The following APBA1 variants were observed in gnomAD, a reference collection of about 807,000 sequenced individuals.
The protein encoded by APBA1 is amyloid-beta A4 precursor protein-binding family A member 1.
APBA1 carries 55 observed loss-of-function variants against 86.6 expected under a neutral mutation model. The observed-to-expected ratio is 0.64, with a 90% CI of 0.51 to 0.80. APBA1 has a LOEUF of 0.80. Among genes scored for constraint, APBA1 ranks in the 30% least tolerant of loss-of-function variants. APBA1 has a pLI of 0.00. For missense variants in APBA1, 1,090 were observed against 1,183.0 expected (o/e 0.92, Z 1.15); for synonymous variants, 511 against 493.9 (o/e 1.03, Z -0.46).
At chr9:69,603,651 T>C (rs2133975563) in intron 1 of APBA1, among the ~76,000 whole-genome samples, 1 of 152,390 alleles carries the variant, frequency 6.6e-6, no homozygotes, top group Middle Eastern at 3.4e-3. Context: ...AATTAGTGAT[T>C]AAAGTGAATC....
chr9:69,561,209 T>C (rs1228304178), intron 1 of APBA1, among the ~76,000 whole-genome samples: 1 of 152,112 alleles, frequency 6.6e-6, no homozygotes, highest in Non-Finnish European at 1.5e-5. Context: ...AGAACGTAAA[T>C]CAATGCATGT....
chr9:69,493,266 A>AT (rs1211370773), intron 2 of APBA1, among the ~76,000 whole-genome samples: 1 of 151,744 alleles, frequency 6.6e-6, no homozygotes, highest in Non-Finnish European at 1.5e-5. Context: ...TTCTTTTACT[A>AT]TTTTTTTCCC....
rs575873204 is a variant in APBA1, at chr9:69,457,136, G to T, written c.1519C>A (p.Pro507Thr). The change falls in exon 7 of 13, where the codon CCT (proline) becomes ACT (threonine). Residue 507 changes from proline to threonine, a missense_variant. Physicochemically the swap from Pro to Thr is conservative, Grantham distance 38. This residue lies in a region of APBA1 where 76 missense variants were observed against 122.2 expected (regional missense o/e 0.62). Coordinates refer to ENST00000265381, the MANE Select transcript of APBA1 (RefSeq NM_001163.4). ...QKLAKSRKKA[P>T]EGESQPMTEV... ...GTCATTGGCTGAGATTCGCCTTCAGGAGCCTGAGAAGAAAAAATGCACCAA... is the reference window on the plus strand; with the variant it reads ...GTCATTGGCTGAGATTCGCCTTCAGTAGCCTGAGAAGAAAAAATGCACCAA... The T allele has an allele frequency of 5.8e-5, 94 of 1,613,932 alleles. No homozygotes were observed. The South Asian group carries it at 9.6e-4, about 16-fold the overall frequency.
intron 2 of APBA1, among the ~76,000 whole-genome samples, chr9:69,504,616 T>C (rs994340362): frequency 2.6e-5 from 4 of 152,068 alleles, no homozygotes; most frequent in African/African-American, 9.7e-5. Context: ...TAGTATTTTC[T>C]CTTGGGCCTG....
At position 69,429,042 on chromosome 9, in the gene APBA1, G is replaced by A. The variant is rs1222828152; in HGVS notation, c.*2285C>T. 1.3e-5 allele frequency: 2 copies of A among 152,194 alleles called. No homozygotes were observed. Among genetic ancestry groups the A allele is most frequent in the African/African-American group, 2.4e-5 (1 of 41,454 alleles). The allele number at this position is 152,194 out of a possible 1,614,324, so 9.4% of individuals were successfully genotyped here. A position where few individuals can be genotyped will look rare whatever the true frequency, so the allele number is the denominator to read the frequency against. ...CTCCTTTAGGTGAACATACATAACC[G>A]TTATGTGCAGGTTGTACAGGGATGC... On this transcript the variant is annotated 3_prime_UTR_variant, in exon 13 of 13. Coordinates refer to ENST00000265381, the MANE Select transcript of APBA1 (RefSeq NM_001163.4).
chr9:69,631,945 G>A (rs925370368), intron 1 of APBA1, among the ~76,000 whole-genome samples: 5 of 152,128 alleles, frequency 3.3e-5, no homozygotes, highest in African/African-American at 1.2e-4. Context: ...TATACCTAAT[G>A]TAAATGATGA....
chr9:69,668,827 C>G lies in APBA1; in HGVS notation c.-70+3326G>C, dbSNP rs1466616542. 2.0e-5 allele frequency among the ~76,000 whole-genome samples: 3 copies of G among 152,274 alleles called. No homozygotes were observed. The South Asian group carries it at 6.2e-4, about 32-fold the overall frequency. On this transcript the variant is annotated intron_variant, in intron 1 of 12. Coordinates refer to ENST00000265381, the MANE Select transcript of APBA1 (RefSeq NM_001163.4). ...ACACTGTTCCTCCCCCAAGCATGCC[C>G]TTCCTTCTCTGCCAACCCAAATGCC...
At chr9:69,605,004 G>A (rs566566533) in intron 1 of APBA1, among the ~76,000 whole-genome samples, 2 of 152,334 alleles carry the variant, frequency 1.3e-5, no homozygotes, top group Non-Finnish European at 2.9e-5. Context: ...AAGAATTAAT[G>A]AGAAATTCTT....
intron 10 of APBA1, among the ~76,000 whole-genome samples, chr9:69,447,804 A>G (rs1834935665): frequency 1.3e-5 from 2 of 152,208 alleles, no homozygotes; most frequent in Non-Finnish European, 2.9e-5. Context: ...CAGAGCATCC[A>G]GAGCACAGAC....
chr9:69,504,032 A>G (rs962830438), intron 2 of APBA1, among the ~76,000 whole-genome samples: 1 of 152,122 alleles, frequency 6.6e-6, no homozygotes, highest in African/African-American at 2.4e-5. Context: ...CCTTTATTGT[A>G]CCTTCAAACT....
intron 11 of APBA1, among the ~76,000 whole-genome samples, chr9:69,435,891 C>T (rs1399061643): frequency 2.6e-5 from 4 of 150,980 alleles, no homozygotes; most frequent in Admixed American, 1.3e-4. Context: ...AATGGTATTG[C>T]CTAGGGTTTT....
intron 2 of APBA1, among the ~76,000 whole-genome samples, chr9:69,495,253 G>C (rs1488848704): frequency 6.6e-6 from 1 of 152,066 alleles, no homozygotes; most frequent in Non-Finnish European, 1.5e-5. Flanking sequence ...GAAATGCAGA[G>C]ACCAACTTAT....
chr9:69,465,494 T>G (rs1035558043), intron 5 of APBA1: 9 of 152,224 alleles, frequency 5.9e-5, no homozygotes, highest in Non-Finnish European at 1.2e-4. Context: ...GGTTGTTGTT[T>G]TGAATGCTGT....
chr9:69,609,856 C>T (rs545121163), intron 1 of APBA1, among the ~76,000 whole-genome samples: 47 of 152,158 alleles, frequency 3.1e-4, no homozygotes, highest in Middle Eastern at 3.4e-3. Context: ...TGGCGTGCAG[C>T]GGCACAGTCA....
At chr9:69,634,830 A>G (rs760752797) in intron 1 of APBA1, among the ~76,000 whole-genome samples, 1 of 43,204 alleles carries the variant, frequency 2.3e-5, no homozygotes, top group African/African-American at 6.6e-5. Flanking sequence ...ACATATTTAA[A>G]GTGCAGAAGG....
intron 1 of APBA1, among the ~76,000 whole-genome samples, chr9:69,651,561 C>T (rs1048558508): frequency 1.3e-5 from 2 of 152,158 alleles, no homozygotes; most frequent in East Asian, 1.9e-4. Context: ...CTGCAACCTC[C>T]GCCTCCTGGG....
intron 10 of APBA1, among the ~76,000 whole-genome samples, chr9:69,448,682 T>G (rs1267791641): frequency 1.3e-5 from 2 of 151,682 alleles, no homozygotes; most frequent in Non-Finnish European, 2.9e-5. Context: ...TCCCTCTCTC[T>G]CACACATGCA....
chr9:69,534,707 T>A (rs867175946), intron 1 of APBA1, among the ~76,000 whole-genome samples: 6 of 152,184 alleles, frequency 3.9e-5, no homozygotes, highest in Non-Finnish European at 8.8e-5. Flanking sequence ...ATCACAAGTA[T>A]CATGAGAAAA....
At chr9:69,566,038 C>A (rs1334176242) in intron 1 of APBA1, among the ~76,000 whole-genome samples, 1 of 152,236 alleles carries the variant, frequency 6.6e-6, no homozygotes, top group Non-Finnish European at 1.5e-5. Flanking sequence ...AGCTTCAGAA[C>A]TCCCTGCCCT....
Sources: gnomAD v4.1 joint callset for allele counts (sites outside exome capture counted in the v4.1 genomes callset) on GRCh38, gnomAD v4.1.1 for gene constraint, gnomAD v4.1.1 regional missense constraint, MANE v1.5 for transcripts, NCBI Gene and HGNC (gene_info 2026-07-23, HGNC 2026-07-21) for gene names.